Variants in LAMA2 observed in about 807,000 individuals in gnomAD.
LAMA2 encodes laminin subunit alpha 2, also known as laminin subunit alpha-2.
A neutral mutation model predicts 364.8 loss-of-function variants in LAMA2; 269 were observed. The observed-to-expected ratio is 0.74, with a 90% CI of 0.67 to 0.82. LAMA2 has a LOEUF of 0.82. Ranked by LOEUF, LAMA2 falls within the 40% of genes least tolerant of loss-of-function variation. The pLI is 0.00. For missense variants in LAMA2, 3,807 were observed against 3,873.2 expected (o/e 0.98, Z 0.45); for synonymous variants, 1,379 against 1,370.6 (o/e 1.01, Z -0.14).
chr6:128,993,603 T>A (rs999439795), intron 1 of LAMA2, among the ~76,000 whole-genome samples: 1 of 152,288 alleles, frequency 6.6e-6, no homozygotes, highest in South Asian at 2.1e-4. Flanking sequence ...ATTTTTATGG[T>A]TGACAGTCGT....
chr6:129,478,019 C>T (rs1307720279), intron 53 of LAMA2, among the ~76,000 whole-genome samples: 3 of 152,112 alleles, frequency 2.0e-5, no homozygotes, highest in South Asian at 2.1e-4. Flanking sequence ...GTCTTGAACT[C>T]GTGGCCTCAA....
intron 9 of LAMA2, among the ~76,000 whole-genome samples, chr6:129,173,771 A>G (rs745935460): frequency 1.3e-5 from 2 of 152,050 alleles, no homozygotes; most frequent in African/African-American, 4.8e-5. Context: ...GCACTTCTTC[A>G]TCAGATTACA....
intron 3 of LAMA2, among the ~76,000 whole-genome samples, chr6:129,088,615 C>T (rs992892423): frequency 4.0e-5 from 6 of 151,410 alleles, no homozygotes; most frequent in East Asian, 4.0e-4. Context: ...CGGGCGGAGA[C>T]GCTCCTCACT....
At chr6:129,210,001 C>A (rs1305843167) in intron 12 of LAMA2, among the ~76,000 whole-genome samples, 2 of 62,538 alleles carry the variant, frequency 3.2e-5, no homozygotes, top group Non-Finnish European at 5.3e-5. Context: ...GAGACTCCAT[C>A]TCAAAAAAAA....
At chr6:129,253,108 C>T (rs970008593) in intron 14 of LAMA2, among the ~76,000 whole-genome samples, 10 of 152,146 alleles carry the variant, frequency 6.6e-5, no homozygotes, top group Middle Eastern at 3.4e-3. Flanking sequence ...TGCTGTAAGG[C>T]GGCTTTGTTT....
intron 41 of LAMA2, among the ~76,000 whole-genome samples, chr6:129,436,371 C>G (rs1273785521): frequency 3.3e-5 from 5 of 152,262 alleles, no homozygotes; most frequent in Admixed American, 3.3e-4. Context: ...ATGGAAAGGT[C>G]TTAAGGTTTA....
intron 4 of LAMA2, among the ~76,000 whole-genome samples, chr6:129,104,148 CA>C (rs1453434050): frequency 6.6e-6 from 1 of 152,082 alleles, no homozygotes; most frequent in East Asian, 1.9e-4. Context: ...CCTAAAAAAT[CA>C]GCCTCCAGCT....
chr6:129,391,767 T>C lies in LAMA2; in HGVS notation c.5234+114T>C, dbSNP rs1441936992. ...TAAAAGATGCTTTGTTTTTCCAACC[T>C]GGAGATATTTGCTATGTTATCTATC... On this transcript the variant is annotated intron_variant, in intron 36 of 64. Coordinates refer to ENST00000421865, the MANE Select transcript of LAMA2 (RefSeq NM_000426.4). 3.6e-5 allele frequency: 29 copies of C among 816,284 alleles called. No homozygotes were observed. In the Admixed American group the frequency reaches 6.2e-4, roughly 17 times the overall value. 50.6% of individuals were successfully genotyped at this position (816,284 alleles called of 1,614,324 possible). A position where few individuals can be genotyped will look rare whatever the true frequency, so the allele number is the denominator to read the frequency against.
At chr6:128,884,842 CA>C (rs750540191) in intron 1 of LAMA2, among the ~76,000 whole-genome samples, 7 of 152,198 alleles carry the variant, frequency 4.6e-5, no homozygotes, top group Non-Finnish European at 8.8e-5. Context: ...AATGAGGGGC[CA>C]GGGGCACCAA....
rs115082632 is a variant in LAMA2, at chr6:129,053,660, G to A, written c.283+3572G>A. ...AGTTTTAAATGCTTCGAAGATAATT[G>A]AGTAAGAAAAGCATAAAATAGGTTT... On this transcript the variant is annotated intron_variant, in intron 2 of 64. Transcript: ENST00000421865. Among the ~76,000 whole-genome samples, 661 of 152,304 alleles carry A rather than the reference G, an allele frequency of 4.3e-3. 5 individuals carry two copies. Among genetic ancestry groups the A allele is most frequent in the African/African-American group, 0.015 (625 of 41,558 alleles).
At chr6:128,962,594 T>C (rs1489177902) in intron 1 of LAMA2, among the ~76,000 whole-genome samples, 1 of 152,138 alleles carries the variant, frequency 6.6e-6, no homozygotes, top group Admixed American at 6.6e-5. Context: ...GTAGTACCTT[T>C]TAATTGTTAA....
At chr6:129,394,282 C>T (rs1779486639) in intron 37 of LAMA2, among the ~76,000 whole-genome samples, 1 of 152,216 alleles carries the variant, frequency 6.6e-6, no homozygotes, top group Non-Finnish European at 1.5e-5. Flanking sequence ...TCACCGTCAA[C>T]AGTAACTCAG....
chr6:128,932,609 G>A (rs1272510596), intron 1 of LAMA2, among the ~76,000 whole-genome samples: 13 of 152,182 alleles, frequency 8.5e-5, no homozygotes, highest in Admixed American at 2.6e-4. Context: ...AGACATGAGA[G>A]GGTGAGCTCT....
intron 3 of LAMA2, among the ~76,000 whole-genome samples, chr6:129,066,046 T>TTTTTTTTTTTTTTTTC (rs1789294186): frequency 2.4e-5 from 2 of 82,790 alleles, no homozygotes; most frequent in Admixed American, 2.9e-4. Context: ...AGGTTTTTTT[T>TTTTTTTTTTTTTTTTC]TTTTTTTTTT....
intron 4 of LAMA2, among the ~76,000 whole-genome samples, chr6:129,138,654 A>T (rs759625715): frequency 2.0e-5 from 3 of 152,144 alleles, no homozygotes; most frequent in Non-Finnish European, 4.4e-5. Flanking sequence ...AAAATATTTC[A>T]ATATTCCATT....
intron 10 of LAMA2, among the ~76,000 whole-genome samples, chr6:129,188,677 G>C (rs1279358369): frequency 6.6e-6 from 1 of 151,892 alleles, no homozygotes; most frequent in African/African-American, 2.4e-5. Flanking sequence ...GCCTTAAAAA[G>C]TAAGCTGGCA....
rs560112564 is a variant in LAMA2 at position 128,998,486 on chromosome 6, C to A, written c.113-51432C>A. On this transcript the variant is annotated intron_variant, in intron 1 of 64. Transcript: ENST00000421865. ...GATTTCTGCATTTCCATCTGAGGTA[C>A]CGGGTTCATCTCACTAGGGAGTGCC... 5.0e-4 allele frequency among the ~76,000 whole-genome samples: 39 copies of A among 78,478 alleles called. No individual in the cohort carries two copies. In the East Asian group the frequency reaches 7.6e-3, roughly 15 times the overall value. The allele number at this position is 78,478 out of a possible 152,430, so 51.5% of individuals were successfully genotyped here. A position where few individuals can be genotyped will look rare whatever the true frequency, so the allele number is the denominator to read the frequency against.
intron 12 of LAMA2, among the ~76,000 whole-genome samples, chr6:129,201,591 A>G (rs1007913161): frequency 6.6e-6 from 1 of 152,214 alleles, no homozygotes; most frequent in Admixed American, 6.5e-5. Flanking sequence ...GTTCACCCCA[A>G]CAAATCTTGA....
At chr6:129,438,234 C>G (rs1419032390) in intron 41 of LAMA2, among the ~76,000 whole-genome samples, 1 of 151,726 alleles carries the variant, frequency 6.6e-6, no homozygotes, top group East Asian at 1.9e-4. Flanking sequence ...ACAATCATAT[C>G]TGAGATTTTG....
Sources: gnomAD v4.1 joint callset for allele counts (sites outside exome capture counted in the v4.1 genomes callset) on GRCh38, gnomAD v4.1.1 for gene constraint, MANE v1.5 for transcripts, NCBI Gene and HGNC (gene_info 2026-07-23, HGNC 2026-07-21) for gene names.